SLIT2: variants seen among roughly 807,000 people sequenced by gnomAD.
SLIT2 encodes slit guidance ligand 2.
Under a neutral mutation model 185.7 loss-of-function variants are expected in SLIT2, and 41 were observed. The observed-to-expected ratio is 0.22, with a 90% CI of 0.17 to 0.29. The LOEUF (loss-of-function observed/expected upper bound fraction) is 0.29, where lower values mean the gene tolerates loss of function less well. Among genes scored for constraint, SLIT2 ranks in the 10% least tolerant of loss-of-function variants. SLIT2 has a pLI of 1.00. For synonymous variants in SLIT2, 693 were observed against 680.2 expected (o/e 1.02, Z -0.29); for missense variants, 1,571 against 1,909.0 (o/e 0.82, Z 3.30).
At chr4:20,469,878 C>G (rs1286316319) in intron 5 of SLIT2, among the ~76,000 whole-genome samples, 1 of 150,794 alleles carries the variant, frequency 6.6e-6, no homozygotes, top group Non-Finnish European at 1.5e-5. Flanking sequence ...GCCTCAGCCT[C>G]CTGAGGACCT....
At chr4:20,334,316 CTA>C (rs1402185270) in intron 4 of SLIT2, among the ~76,000 whole-genome samples, 1 of 151,978 alleles carries the variant, frequency 6.6e-6, no homozygotes, top group Non-Finnish European at 1.5e-5. Context: ...TCTTTTAAAA[CTA>C]TGTTTTAAAA....
chr4:20,619,136 A>C lies in SLIT2; in HGVS notation c.*127A>C. The C allele has an allele frequency of 1.0e-6, 1 of 967,510 alleles. No homozygotes were observed. The highest frequency in any genetic ancestry group is 2.7e-5 in the South Asian group (1 of 36,622). The allele number at this position is 967,510 out of a possible 1,614,324, so 59.9% of individuals were successfully genotyped here. ...AATACAGAACAGACTTATTTTTATT[A>C]TGAGAATAAAGACTTTTTTTCTGCA... is the stretch of plus-strand genomic sequence containing the variant. On this transcript the variant is annotated 3_prime_UTR_variant, in exon 37 of 37. Coordinates refer to ENST00000504154, the MANE Select transcript of SLIT2 (RefSeq NM_004787.4).
intron 4 of SLIT2, among the ~76,000 whole-genome samples, chr4:20,447,637 C>A (rs1181231982): frequency 2.0e-5 from 3 of 152,134 alleles, no homozygotes; most frequent in Non-Finnish European, 4.4e-5. Context: ...GGTCATGAGA[C>A]CTGCAGCCTG....
chr4:20,472,589 G>GATAT lies in SLIT2; in HGVS notation c.467+4771_467+4774dup, dbSNP rs376378130. Among the ~76,000 whole-genome samples the GATAT allele has an allele frequency of 3.7e-4, 2 of 5,362 alleles. 1 individual carries two copies. The highest frequency in any genetic ancestry group is 5.7e-4 in the Non-Finnish European group (2 of 3,520). 3.5% of individuals were successfully genotyped at this position (5,362 alleles called of 152,430 possible). A position where few individuals can be genotyped will look rare whatever the true frequency, so the allele number is the denominator to read the frequency against. ...CTATATATAGATATATCTATATATA[G>GATAT]ATATATATCTATAGATATATCTATA... is the stretch of plus-strand genomic sequence containing the variant. On this transcript the variant is annotated intron_variant, in intron 5 of 36. Coordinates refer to ENST00000504154, the MANE Select transcript of SLIT2 (RefSeq NM_004787.4).
At chr4:20,278,396 G>T (rs1402274432) in intron 4 of SLIT2, among the ~76,000 whole-genome samples, 1 of 152,090 alleles carries the variant, frequency 6.6e-6, no homozygotes, top group Non-Finnish European at 1.5e-5. Context: ...ACACTACTGA[G>T]CAATTATGTA....
chr4:20,350,402 G>A (rs1293888773), intron 4 of SLIT2, among the ~76,000 whole-genome samples: 2 of 151,784 alleles, frequency 1.3e-5, no homozygotes, highest in East Asian at 3.9e-4. Context: ...TATTTTACTG[G>A]AGTCAATAAT....
rs1722899300 is a variant in SLIT2 at position 20,542,610 on chromosome 4, A to G, written c.2260A>G (p.Arg754Gly). The G allele has an allele frequency of 1.9e-6, 3 of 1,613,686 alleles. No homozygotes were observed. Among genetic ancestry groups the G allele is most frequent in the Non-Finnish European group, 2.5e-6 (3 of 1,179,796 alleles). The change falls in exon 21 of 37, where the codon AGA (arginine) becomes GGA (glycine). Residue 754 changes from arginine to glycine, a missense_variant. Arg to Gly is a moderately radical substitution (Grantham distance 125, BLOSUM62 -2). Transcript: ENST00000504154. Reference sequence around the variant, plus strand: ...GAAGGTCTTGCCGAAAGGTATTCCAAGAGATGTCACAGAGTTGTAAGTAGA... The same window carrying G: ...GAAGGTCTTGCCGAAAGGTATTCCAGGAGATGTCACAGAGTTGTAAGTAGA... ...GLKVLPKGIPRDVTELYLDGN... is the reference protein window; with the variant it reads ...GLKVLPKGIPGDVTELYLDGN...
At chr4:20,558,457 A>G (rs1254522977) in intron 26 of SLIT2, among the ~76,000 whole-genome samples, 3 of 152,090 alleles carry the variant, frequency 2.0e-5, no homozygotes, top group Non-Finnish European at 2.9e-5. Flanking sequence ...AAAATATTTT[A>G]TAATTAAGGT....
chr4:20,401,580 A>G (rs1280197306), intron 4 of SLIT2, among the ~76,000 whole-genome samples: 3 of 151,784 alleles, frequency 2.0e-5, no homozygotes, highest in Non-Finnish European at 4.4e-5. Context: ...GGGTAGGTTC[A>G]CTTACCTCTG....
At chr4:20,338,000 A>G (rs1295568037) in intron 4 of SLIT2, among the ~76,000 whole-genome samples, 6 of 152,312 alleles carry the variant, frequency 3.9e-5, no homozygotes, top group African/African-American at 1.4e-4. Context: ...AAATCCAAGG[A>G]AAAGGAAGGA....
chr4:20,315,840 T>C (rs1011639899), intron 4 of SLIT2, among the ~76,000 whole-genome samples: 1 of 152,080 alleles, frequency 6.6e-6, no homozygotes, highest in Non-Finnish European at 1.5e-5. Context: ...TTTTAATACA[T>C]ACACACACAT....
chr4:20,594,134 T>C (rs1451508921), intron 30 of SLIT2, among the ~76,000 whole-genome samples: 3 of 149,390 alleles, frequency 2.0e-5, no homozygotes, highest in African/African-American at 7.3e-5. Context: ...TGCATATATA[T>C]ACATATATAC....
chr4:20,411,592 T>G (rs1479523143), intron 4 of SLIT2, among the ~76,000 whole-genome samples: 1 of 152,180 alleles, frequency 6.6e-6, no homozygotes, highest in Admixed American at 6.5e-5. Context: ...TCAAAGAAAC[T>G]TGAACTCAGC....
At chr4:20,569,037 C>A in intron 29 of SLIT2, 33 bp downstream of exon 29, 1 of 1,587,136 alleles carries the variant, frequency 6.3e-7, no homozygotes, top group South Asian at 1.1e-5. Context: ...TGCCTTCCAT[C>A]AGTATATCTG....
chr4:20,517,141 A>G (rs1210150976), intron 11 of SLIT2, among the ~76,000 whole-genome samples: 1 of 152,148 alleles, frequency 6.6e-6, no homozygotes, highest in Non-Finnish European at 1.5e-5. Context: ...TCCTTTCTAA[A>G]TTGCAGTGGA....
chr4:20,610,271 C>A, intron 34 of SLIT2, 104 bp downstream of exon 34: 1 of 962,554 alleles, frequency 1.0e-6, no homozygotes, highest in South Asian at 1.9e-5. Context: ...TTGTCATTGA[C>A]CAATAGTGAT....
chr4:20,589,856 A>G (rs1727359763), intron 30 of SLIT2, 119 bp downstream of exon 30: 1 of 629,010 alleles, frequency 1.6e-6, no homozygotes, highest in Non-Finnish European at 2.8e-6. Context: ...GGACCTATTC[A>G]CTAGTATCAG....
At chr4:20,472,263 TATAG>T (rs1560452550) in intron 5 of SLIT2, among the ~76,000 whole-genome samples, 2 of 58,074 alleles carry the variant, frequency 3.4e-5, no homozygotes, top group African/African-American at 1.8e-4. Context: ...TAGATCTATA[TATAG>T]ATATATATCT....
At chr4:20,292,521 C>A (rs77921206) in intron 4 of SLIT2, among the ~76,000 whole-genome samples, 9 of 151,990 alleles carry the variant, frequency 5.9e-5, no homozygotes, top group African/African-American at 1.7e-4. Flanking sequence ...AGCACTGAGA[C>A]GGAGAAGGAG....
Sources: allele counts gnomAD v4.1 joint callset (sites outside exome capture counted in the v4.1 genomes callset), GRCh38; gene constraint gnomAD v4.1.1; transcripts MANE v1.5; gene names NCBI Gene and HGNC (gene_info 2026-07-23, HGNC 2026-07-21).